The following ADAMTS5 variants were observed in gnomAD, a reference collection of about 807,000 sequenced individuals.
ADAMTS5 encodes A disintegrin and metalloproteinase with thrombospondin motifs 5.
Under a neutral mutation model 81.4 loss-of-function variants are expected in ADAMTS5, and 54 were observed. That is an observed-to-expected ratio of 0.66 (90% CI 0.53 to 0.83). The LOEUF is 0.83. Ranked by LOEUF, ADAMTS5 falls within the 40% of genes least tolerant of loss-of-function variation. ADAMTS5 has a pLI of 0.00. For synonymous variants in ADAMTS5, 532 were observed against 508.8 expected, an observed-to-expected ratio of 1.05 and a Z score of -0.61; for missense variants, 1,194 against 1,229.9, an observed-to-expected ratio of 0.97 and a Z score of 0.44.
intron 6 of ADAMTS5, among the ~76,000 whole-genome samples, chr21:26,930,513 T>G (rs1986887344): frequency 6.6e-6 from 1 of 152,220 alleles, no homozygotes; most frequent in African/African-American, 2.4e-5. Context: ...CATTCAAAAC[T>G]GTGTCATGGT....
rs1051133267 is a variant in ADAMTS5, at chr21:26,922,292, A to G, written c.*1761T>C. ...AAAGCAATTTCTTAAGAAAATACTG[A>G]AAACAGCAAGACATCTATTTTCCTG... On this transcript the variant is annotated 3_prime_UTR_variant, in exon 8 of 8. Coordinates refer to ENST00000284987, the MANE Select transcript of ADAMTS5 (RefSeq NM_007038.5). 10 of 152,110 alleles carry G rather than the reference A, an allele frequency of 6.6e-5. No individual in the cohort carries two copies. Among genetic ancestry groups the G allele is most frequent in the Non-Finnish European group, 1.5e-4 (10 of 67,954 alleles). 9.4% of individuals were successfully genotyped at this position (152,110 alleles called of 1,614,324 possible).
intron 1 of ADAMTS5, among the ~76,000 whole-genome samples, chr21:26,960,436 C>A (rs886738717): frequency 5.3e-5 from 8 of 152,108 alleles, no homozygotes; most frequent in Non-Finnish European, 4.4e-5. Flanking sequence ...ATAGGGCCTA[C>A]AAGGAGGTAA....
At chr21:26,962,839 C>G (rs1231310211) in intron 1 of ADAMTS5, among the ~76,000 whole-genome samples, 2 of 151,880 alleles carry the variant, frequency 1.3e-5, no homozygotes, top group East Asian at 3.9e-4. Flanking sequence ...GATGGAAGAC[C>G]TCAGATCATC....
chr21:26,931,170 C>G (rs1194879447), intron 6 of ADAMTS5, among the ~76,000 whole-genome samples: 1 of 152,044 alleles, frequency 6.6e-6, no homozygotes, highest in Non-Finnish European at 1.5e-5. Flanking sequence ...CCTCAGCCTC[C>G]CGAGTAGCTG....
intron 1 of ADAMTS5, among the ~76,000 whole-genome samples, chr21:26,961,743 T>A (rs756963013): frequency 3.3e-5 from 5 of 152,240 alleles, no homozygotes; most frequent in Non-Finnish European, 7.3e-5. Context: ...AGGATTGACC[T>A]ATAGGCTCTG....
rs1986691589 is a variant in ADAMTS5, at chr21:26,921,346, T to G, written c.*2707A>C. ...CTGATCTAGAAGAAATAAATGTCATTTTTTCTGGCTCCCTTTGTACTTAAT... is the reference window on the plus strand; with the variant it reads ...CTGATCTAGAAGAAATAAATGTCATGTTTTCTGGCTCCCTTTGTACTTAAT... On this transcript the variant is annotated 3_prime_UTR_variant, in exon 8 of 8. Coordinates refer to ENST00000284987, the MANE Select transcript of ADAMTS5 (RefSeq NM_007038.5). 2 of 151,970 alleles carry G rather than the reference T, an allele frequency of 1.3e-5. No individual in the cohort carries two copies. Among genetic ancestry groups the G allele is most frequent in the Non-Finnish European group, 2.9e-5 (2 of 67,900 alleles). 9.4% of individuals were successfully genotyped at this position (151,970 alleles called of 1,614,324 possible).
chr21:26,919,936 AT>A lies in ADAMTS5; in HGVS notation c.*4116del, dbSNP rs1031255619. The A allele has an allele frequency of 2.8e-4, 42 of 152,248 alleles. No homozygotes were observed. Among genetic ancestry groups the A allele is most frequent in the African/African-American group, 9.6e-4 (40 of 41,564 alleles). The allele number at this position is 152,248 out of a possible 1,614,324, so 9.4% of individuals were successfully genotyped here. On this transcript the variant is annotated 3_prime_UTR_variant, in exon 8 of 8. Coordinates refer to ENST00000284987, the MANE Select transcript of ADAMTS5 (RefSeq NM_007038.5). ...GGTTCTATTAAAGCTTTAAATGACC[AT>A]TTCTGTACACATGGCTATTTCATTT...
chr21:26,937,533 G>C (rs1440253010), intron 3 of ADAMTS5, among the ~76,000 whole-genome samples: 2 of 152,112 alleles, frequency 1.3e-5, no homozygotes, highest in African/African-American at 4.8e-5. Flanking sequence ...CAACAAAATA[G>C]GTACAAGCAT....
chr21:26,934,380 C>T, intron 4 of ADAMTS5, 86 bp downstream of exon 4: 1 of 1,503,666 alleles, frequency 6.7e-7, no homozygotes, highest in South Asian at 1.3e-5. Flanking sequence ...AAAATAAAGC[C>T]TTCTGAGAAC....
chr21:26,942,922 T>G (rs571942481), intron 3 of ADAMTS5, among the ~76,000 whole-genome samples: 17 of 152,320 alleles, frequency 1.1e-4, no homozygotes, highest in African/African-American at 4.1e-4. Context: ...GAAAGCTTCC[T>G]CTTCTGGGCT....
chr21:26,959,324 T>C (rs1181245685), intron 1 of ADAMTS5, among the ~76,000 whole-genome samples: 1 of 152,184 alleles, frequency 6.6e-6, no homozygotes, highest in Non-Finnish European at 1.5e-5. Flanking sequence ...CCAGGTCATC[T>C]CTAGGGTTTG....
intron 4 of ADAMTS5, among the ~76,000 whole-genome samples, chr21:26,933,269 G>A (rs1451895738): frequency 6.6e-6 from 1 of 152,102 alleles, no homozygotes; most frequent in Non-Finnish European, 1.5e-5. Context: ...AGATCTGAAA[G>A]CATCATCCTA....
intron 2 of ADAMTS5, among the ~76,000 whole-genome samples, chr21:26,946,436 A>G (rs1433664211): frequency 1.3e-5 from 2 of 152,306 alleles, no homozygotes; most frequent in African/African-American, 4.8e-5. Flanking sequence ...AATCCGGGGA[A>G]TTTAAAATAC....
In ADAMTS5 at chr21:26,921,473, A is replaced by C. The variant is rs1273994719; in HGVS notation, c.*2580T>G. The C allele has an allele frequency of 6.8e-6, 1 of 147,880 alleles. No homozygotes were observed. Among genetic ancestry groups the C allele is most frequent in the East Asian group, 1.9e-4 (1 of 5,134 alleles). 9.2% of individuals were successfully genotyped at this position (147,880 alleles called of 1,614,324 possible). On this transcript the variant is annotated 3_prime_UTR_variant, in exon 8 of 8. Transcript: ENST00000284987. ...TTTTTTTTTTTTTTTTTAAAGAAGT[A>C]GCCCCTAGCATCCTGAATTCTAGAC...
At chr21:26,948,095 A>G (rs1004414596) in intron 2 of ADAMTS5, among the ~76,000 whole-genome samples, 2 of 152,200 alleles carry the variant, frequency 1.3e-5, no homozygotes, top group Non-Finnish European at 2.9e-5. Flanking sequence ...GATTTTAAGA[A>G]CACCTTGCTT....
At chr21:26,931,928 G>T (rs372030872) in intron 6 of ADAMTS5, 76 bp downstream of exon 6, 14 of 1,422,596 alleles carry the variant, frequency 9.8e-6, no homozygotes, top group Non-Finnish European at 1.3e-5. Context: ...TTTACGTCTG[G>T]CGTCCGCAGG....
chr21:26,962,829 G>C (rs958999316), intron 1 of ADAMTS5, among the ~76,000 whole-genome samples: 1 of 151,876 alleles, frequency 6.6e-6, no homozygotes, highest in African/African-American at 2.4e-5. Context: ...ATTTTCATGA[G>C]ATGGAAGACC....
chr21:26,954,926 G>A lies in ADAMTS5; in HGVS notation c.1105-55C>T, dbSNP rs775054031. ...AATCAATTTACATCCAGAAGGAGCC[G>A]CCACATAGAGCCACTTGCTTACCCC... On this transcript the variant is annotated intron_variant, in intron 1 of 7. Transcript: ENST00000284987. 1.3e-4 allele frequency: 200 copies of A among 1,590,986 alleles called. 1 individual carries two copies. Among genetic ancestry groups the A allele is most frequent in the Non-Finnish European group, 1.5e-4 (179 of 1,167,954 alleles).
intron 1 of ADAMTS5, among the ~76,000 whole-genome samples, chr21:26,961,380 T>G (rs1251185485): frequency 6.6e-6 from 1 of 152,244 alleles, no homozygotes; most frequent in Non-Finnish European, 1.5e-5. Context: ...CAATGAGACC[T>G]ACAGAAAGGT....
Sources: allele counts gnomAD v4.1 joint callset (sites outside exome capture counted in the v4.1 genomes callset), GRCh38; gene constraint gnomAD v4.1.1; transcripts MANE v1.5; gene names NCBI Gene and HGNC (gene_info 2026-07-23, HGNC 2026-07-21).